The following SPATA9 variants were observed in gnomAD, a reference collection of about 807,000 sequenced individuals.
The protein encoded by SPATA9 is spermatogenesis-associated protein 9.
A neutral mutation model predicts 25.5 loss-of-function variants in SPATA9; 27 were observed. The observed-to-expected ratio is 1.06, with a 90% CI of 0.78 to 1.46. The LOEUF (loss-of-function observed/expected upper bound fraction) is 1.46. Among genes scored for constraint, SPATA9 ranks in the 40% most tolerant of loss-of-function variants. The pLI, the probability that SPATA9 is intolerant of heterozygous loss-of-function variation, is 0.00. For missense variants in SPATA9, 282 were observed against 297.5 expected (o/e 0.95, Z 0.38); for synonymous variants, 102 against 105.7 (o/e 0.97, Z 0.21).
chr5:95,699,762 A>G (rs543389413), upstream of SPATA9, among the ~76,000 whole-genome samples: 2 of 152,364 alleles, frequency 1.3e-5, no homozygotes, highest in South Asian at 4.1e-4. Flanking sequence ...GTGGGTGAGC[A>G]TAGTGGGAAG....
At chr5:95,731,137 G>A in the SPATA9 span, 6 of 1,017,834 alleles carry the variant, frequency 5.9e-6, no homozygotes, top group Non-Finnish European at 7.1e-6. Flanking sequence ...TTTATATTCC[G>A]CGGCGCCCCG....
At chr5:95,720,235 C>T in the SPATA9 span, among the ~76,000 whole-genome samples, 2 of 152,188 alleles carry the variant, frequency 1.3e-5, no homozygotes, top group Non-Finnish European at 1.5e-5. Context: ...ACTTAAGAGG[C>T]AATGTCATCC....
chr5:95,706,704 A>ATGTT, the SPATA9 span, among the ~76,000 whole-genome samples: 94 of 151,636 alleles, frequency 6.2e-4, no homozygotes, highest in Admixed American at 5.1e-3. Flanking sequence ...TTAAATTATA[A>ATGTT]TTTTTTTCTT....
chr5:95,656,430 T>C, downstream of SPATA9: 2 of 721,446 alleles, frequency 2.8e-6, no homozygotes, highest in Non-Finnish European at 4.5e-6. Context: ...AAAATTCACA[T>C]ACATTTGAGA....
chr5:95,679,675 A>G (rs1753254917), intron 2 of SPATA9, among the ~76,000 whole-genome samples: 1 of 152,164 alleles, frequency 6.6e-6, no homozygotes, highest in South Asian at 2.1e-4. Flanking sequence ...GGTGTCCTGT[A>G]TCCAATATGA....
In SPATA9 at chr5:95,694,074, C is replaced by A. The variant is rs1163976287; in HGVS notation, n.124+4514G>T. On this transcript the variant is annotated intron_variant and non_coding_transcript_variant, in intron 1 of 2. Transcript: ENST00000379990. ...ACTCTGGAGGCTGAGGTGGGAGGAA[C>A]ACTTGAGCCCAGGAGGTCAAGGCTG... 2.0e-5 allele frequency among the ~76,000 whole-genome samples: 3 copies of A among 152,058 alleles called. No homozygotes were observed. In the East Asian group the frequency reaches 5.8e-4, roughly 29 times the overall value.
At chr5:95,692,255 G>A (rs1392936030) in intron 1 of SPATA9, among the ~76,000 whole-genome samples, 2 of 151,932 alleles carry the variant, frequency 1.3e-5, no homozygotes, top group African/African-American at 2.4e-5. Context: ...TCTTAAAAAC[G>A]AGGCATAATT....
At chr5:95,730,930 G>A in the SPATA9 span, 1 of 461,336 alleles carries the variant, frequency 2.2e-6, no homozygotes, top group Non-Finnish European at 4.3e-6. Context: ...AAGAGGGGGG[G>A]AAATCGGGTT....
the SPATA9 span, among the ~76,000 whole-genome samples, chr5:95,715,002 G>T: frequency 2.6e-5 from 4 of 152,078 alleles, no homozygotes; most frequent in Non-Finnish European, 5.9e-5. Context: ...TCTTTTCTTT[G>T]TGTAACTTGA....
At chr5:95,683,087 G>T, upstream of SPATA9, 1 of 1,025,116 alleles carries the variant, frequency 9.8e-7, no homozygotes, top group Non-Finnish European at 1.2e-6. Context: ...GAGTGTGTTT[G>T]GAGGCATAAG....
At chr5:95,680,851 A>G (rs141980090) in intron 2 of SPATA9, among the ~76,000 whole-genome samples, 7 of 152,252 alleles carry the variant, frequency 4.6e-5, no homozygotes, top group Admixed American at 1.3e-4. Flanking sequence ...CAAACTCATT[A>G]TCTCCAAAGC....
chr5:95,658,476 A>G lies in SPATA9; in HGVS notation c.*147T>C. On this transcript the variant is annotated 3_prime_UTR_variant, in exon 5 of 5. Coordinates refer to ENST00000274432, the MANE Select transcript of SPATA9 (RefSeq NM_031952.4). ...TTATTTACTCTATCATGTAAATACT[A>G]GAAAATGACATTTTAATAGTAGCCC... 1 of 624,760 alleles carries G rather than the reference A, an allele frequency of 1.6e-6. No individual in the cohort carries two copies. Among genetic ancestry groups the G allele is most frequent in the Non-Finnish European group, 2.2e-6 (1 of 452,916 alleles). The allele number at this position is 624,760 out of a possible 1,614,324, so 38.7% of individuals were successfully genotyped here.
At chr5:95,667,827 T>TG (rs1227392516) in intron 3 of SPATA9, among the ~76,000 whole-genome samples, 1 of 152,290 alleles carries the variant, frequency 6.6e-6, no homozygotes, top group Non-Finnish European at 1.5e-5. Flanking sequence ...CATTGGATCA[T>TG]GGGGGCAGTT....
intron 3 of SPATA9, among the ~76,000 whole-genome samples, chr5:95,666,105 A>G (rs1271789663): frequency 6.6e-6 from 1 of 152,166 alleles, no homozygotes; most frequent in African/African-American, 2.4e-5. Context: ...AAACAATCCT[A>G]TGAAGTTGGT....
At chr5:95,654,227 C>T (rs764934254), downstream of SPATA9, 56 of 1,611,710 alleles carry the variant, frequency 3.5e-5, no homozygotes, top group Middle Eastern at 8.7e-4. Context: ...TATGGATATT[C>T]GCTGTTACCG....
the SPATA9 span, among the ~76,000 whole-genome samples, chr5:95,714,535 T>C: frequency 6.6e-6 from 1 of 152,174 alleles, no homozygotes; most frequent in African/African-American, 2.4e-5. Flanking sequence ...GTCCTTCGGA[T>C]TGGGCAATTT....
chr5:95,671,122 TA>T (rs1752331856), intron 3 of SPATA9, among the ~76,000 whole-genome samples: 1 of 152,208 alleles, frequency 6.6e-6, no homozygotes, highest in South Asian at 2.1e-4. Flanking sequence ...TCTTCATATA[TA>T]CTGTTCTTTT....
upstream of SPATA9, among the ~76,000 whole-genome samples, chr5:95,683,183 C>A (rs1753601730): frequency 6.6e-6 from 1 of 152,056 alleles, no homozygotes; most frequent in African/African-American, 2.4e-5. Flanking sequence ...TGCAGTGATA[C>A]CACAAATAAT....
downstream of SPATA9, among the ~76,000 whole-genome samples, chr5:95,653,406 A>C (rs1750482048): frequency 6.6e-6 from 1 of 152,250 alleles, no homozygotes; most frequent in African/African-American, 2.4e-5. Context: ...CAGATAACTG[A>C]ATGTTGTTTA....
Sources: allele counts gnomAD v4.1 joint callset (sites outside exome capture counted in the v4.1 genomes callset), GRCh38; gene constraint gnomAD v4.1.1; transcripts MANE v1.5; gene names NCBI Gene and HGNC (gene_info 2026-07-23, HGNC 2026-07-21).